USP2: variants seen among roughly 807,000 people sequenced by gnomAD.
The protein encoded by USP2 is ubiquitin specific peptidase 2, also known as ubiquitin carboxyl-terminal hydrolase 2.
In USP2, 33 loss-of-function variants were observed where a neutral mutation model predicts 72.0. That is an observed-to-expected ratio of 0.46 (90% confidence interval 0.35 to 0.61). USP2 has a LOEUF of 0.61. USP2 is among the 20% of genes least tolerant of loss of function. USP2 has a pLI of 0.01. For missense variants in USP2, 691 were observed against 797.8 expected, an observed-to-expected ratio of 0.87 and a Z score of 1.61; for synonymous variants, 296 against 312.5, an observed-to-expected ratio of 0.95 and a Z score of 0.56.
chr11:119,358,013 T>C lies in USP2; in HGVS notation c.1390A>G (p.Lys464Glu), dbSNP rs1950697523. The part of the protein sequence containing the change: ...TLMDCMRLFT[K>E]EDVLDGDEKP... ...TCATCTCCATCAAGCACATCCTCTTTGGTGAAGAGCCTCATGCAGTCCATT... is the reference window on the plus strand; with the variant it reads ...TCATCTCCATCAAGCACATCCTCTTCGGTGAAGAGCCTCATGCAGTCCATT... The change falls in exon 9 of 13, where the codon AAA becomes GAA. Residue 464 changes from lysine (K) to glutamate (E), a missense_variant. By Grantham distance (56) the Lys-to-Glu change is moderately conservative. Transcript: ENST00000260187. 1 of 1,614,070 alleles carries C rather than the reference T, an allele frequency of 6.2e-7. No homozygotes were observed. Among genetic ancestry groups the C allele is most frequent in the South Asian group, 1.1e-5 (1 of 91,082 alleles).
Position 119,381,593 on chromosome 11 carries a change from C to A in USP2, c.-162G>T. On this transcript the variant is annotated 5_prime_UTR_variant, in exon 1 of 13. It introduces an in-frame stop codon into an upstream open reading frame of the 5' UTR. Coordinates refer to ENST00000260187, the MANE Select transcript of USP2 (RefSeq NM_004205.5). Reference sequence around the variant, plus strand: ...GCTGACGAAGAGGGCTCCCCGGCCTCGGCTCCTGCCTGACTCTCTCCCACC... The same window carrying A: ...GCTGACGAAGAGGGCTCCCCGGCCTAGGCTCCTGCCTGACTCTCTCCCACC... The A allele has an allele frequency of 6.6e-7, 1 of 1,519,230 alleles. No individual in the cohort carries two copies. 94.1% of individuals were successfully genotyped at this position (1,519,230 alleles called of 1,614,324 possible).
chr11:119,355,244 A>G lies in USP2; in HGVS notation c.*1591T>C, dbSNP rs539125122. The G allele has an allele frequency of 5.3e-5, 8 of 152,374 alleles. No individual in the cohort carries two copies. Among genetic ancestry groups the G allele is most frequent in the African/African-American group, 1.9e-4 (8 of 41,592 alleles). 9.4% of individuals were successfully genotyped at this position (152,374 alleles called of 1,614,324 possible). On this transcript the variant is annotated 3_prime_UTR_variant, in exon 13 of 13. Transcript: ENST00000260187. ...TTCTCAAAGCTATTATTTATTCTGTACAAGGTTCCACTGTACATTAGACAT... is the reference window on the plus strand; with the variant it reads ...TTCTCAAAGCTATTATTTATTCTGTGCAAGGTTCCACTGTACATTAGACAT...
At chr11:119,363,773 C>G (rs2135395532) in intron 2 of USP2, 1 of 1,167,496 alleles carries the variant, frequency 8.6e-7, no homozygotes, top group Non-Finnish European at 1.1e-6. Flanking sequence ...CCTAGGGGCG[C>G]GTGGCGGGCA....
intron 2 of USP2, among the ~76,000 whole-genome samples, chr11:119,368,213 C>T (rs568145193): frequency 1.3e-5 from 2 of 152,362 alleles, no homozygotes; most frequent in South Asian, 4.1e-4. Context: ...CCTTCTCATG[C>T]TGCCAACACA....
chr11:119,364,228 C>G, intron 2 of USP2: 3 of 1,091,760 alleles, frequency 2.7e-6, no homozygotes, highest in Admixed American at 5.2e-5. Context: ...GCCGGCGCCT[C>G]GGGCCCCGCG....
chr11:119,380,071 C>T (rs1056148599), intron 1 of USP2, among the ~76,000 whole-genome samples: 6 of 151,938 alleles, frequency 3.9e-5, no homozygotes, highest in Non-Finnish European at 8.8e-5. Flanking sequence ...CCCGCCAGCA[C>T]GCCCGGCTAA....
chr11:119,376,467 C>T, intron 1 of USP2: 1 of 946,354 alleles, frequency 1.1e-6, no homozygotes, highest in Non-Finnish European at 1.3e-6. Context: ...TGCTGCCCAG[C>T]TCCTTTCACT....
In USP2 at chr11:119,359,051, G is replaced by C; in HGVS notation, c.1145C>G (p.Ser382Cys). 6.2e-7 allele frequency: 1 copy of C among 1,614,042 alleles called. No individual in the cohort carries two copies. The highest frequency in any genetic ancestry group is 8.5e-7 in the Non-Finnish European group (1 of 1,180,034). The change falls in exon 6 of 13, where the codon TCC becomes TGC. Residue 382 changes from serine to cysteine, a missense_variant. Ser to Cys is a moderately radical substitution (Grantham distance 112). Coordinates refer to ENST00000260187, the MANE Select transcript of USP2 (RefSeq NM_004205.5). ...EVNRVTLRPK[S>C]NPENLDHLPD... ...AAGATGATCGAGGTTCTCAGGGTTG[G>C]ACTTAGGTCTCAGTGTCACTCGGTT...
At chr11:119,365,404 G>A (rs1950838265) in intron 2 of USP2, among the ~76,000 whole-genome samples, 1 of 152,122 alleles carries the variant, frequency 6.6e-6, no homozygotes, top group Non-Finnish European at 1.5e-5. Flanking sequence ...GGAGGAGGGG[G>A]CAGGGGACAG....
At chr11:119,363,485 C>A (rs1376244631) in intron 2 of USP2, among the ~76,000 whole-genome samples, 3 of 152,102 alleles carry the variant, frequency 2.0e-5, no homozygotes, top group Admixed American at 2.0e-4. Context: ...CGGAGGAGTA[C>A]CCCGGCACGG....
chr11:119,379,811 C>T (rs1253324734), intron 1 of USP2, among the ~76,000 whole-genome samples: 1 of 151,880 alleles, frequency 6.6e-6, no homozygotes, highest in Non-Finnish European at 1.5e-5. Context: ...ATATTGAATA[C>T]TTCCACTTCT....
At chr11:119,367,063 T>C (rs899415375) in intron 2 of USP2, among the ~76,000 whole-genome samples, 2 of 152,132 alleles carry the variant, frequency 1.3e-5, no homozygotes, top group Non-Finnish European at 2.9e-5. Context: ...GGCTCATCTC[T>C]CGGCCAGCCA....
In USP2 at chr11:119,358,064, G is replaced by A. The variant is rs754695767; in HGVS notation, c.1342-3C>T. On this transcript the variant is annotated splice_region_variant and splice_polypyrimidine_tract_variant and intron_variant, in intron 8 of 12. Coordinates refer to ENST00000260187, the MANE Select transcript of USP2 (RefSeq NM_004205.5). ...AATGTCACCTCAGGATAACCTCGCT[G>A]GGAAGGGGAAAAAAGCAAAGGTCAG... is the stretch of plus-strand genomic sequence containing the variant. The A allele has an allele frequency of 6.2e-7, 1 of 1,614,186 alleles. No individual in the cohort carries two copies. The highest frequency in any genetic ancestry group is 1.1e-5 in the South Asian group (1 of 91,084).
chr11:119,377,430 G>A (rs1020361548), intron 1 of USP2, among the ~76,000 whole-genome samples: 5 of 152,216 alleles, frequency 3.3e-5, no homozygotes, highest in African/African-American at 1.2e-4. Flanking sequence ...AGCATGCGGT[G>A]TACAGACTCT....
chr11:119,364,046 G>A, intron 2 of USP2: 1 of 1,259,778 alleles, frequency 7.9e-7, no homozygotes, highest in Non-Finnish European at 1.0e-6. Context: ...TGGCAGCGGG[G>A]GCGCGGGGGG....
At chr11:119,368,542 T>A (rs1219109317) in intron 2 of USP2, among the ~76,000 whole-genome samples, 7 of 152,186 alleles carry the variant, frequency 4.6e-5, no homozygotes, top group African/African-American at 1.4e-4. Context: ...GCTTATATAA[T>A]CTCCCTGTCA....
At chr11:119,373,852 C>G (rs573968555) in intron 1 of USP2, among the ~76,000 whole-genome samples, 1 of 152,226 alleles carries the variant, frequency 6.6e-6, no homozygotes, top group East Asian at 1.9e-4. Flanking sequence ...TCTTCCAGGT[C>G]AAATCCCATT....
At chr11:119,363,861 G>A in intron 2 of USP2, 3 of 1,411,260 alleles carry the variant, frequency 2.1e-6, no homozygotes, top group Non-Finnish European at 2.8e-6. Context: ...TGGCTTTGTT[G>A]AGCAGGAGCC....
chr11:119,357,748 T>G lies in USP2; in HGVS notation c.1501+9A>C, dbSNP rs1187466382. ...GTCATGTCCCAGCCCTGATGGATCTTAAGGATACGGAGCACCAAGATCTTT... is the reference window on the plus strand; with the variant it reads ...GTCATGTCCCAGCCCTGATGGATCTGAAGGATACGGAGCACCAAGATCTTT... On this transcript the variant is annotated intron_variant, in intron 10 of 12. Coordinates refer to ENST00000260187, the MANE Select transcript of USP2 (RefSeq NM_004205.5). The G allele has an allele frequency of 1.9e-6, 3 of 1,613,788 alleles. No homozygotes were observed. Among genetic ancestry groups the G allele is most frequent in the Non-Finnish European group, 2.5e-6 (3 of 1,180,030 alleles).
Sources: gnomAD v4.1 joint callset for allele counts (sites outside exome capture counted in the v4.1 genomes callset) on GRCh38, gnomAD v4.1.1 for gene constraint, MANE v1.5 for transcripts, NCBI Gene and HGNC (gene_info 2026-07-23, HGNC 2026-07-21) for gene names.